The following MIGA1 variants were observed in gnomAD, a reference collection of about 807,000 sequenced individuals.
MIGA1 encodes mitoguardin 1.
Under a neutral mutation model 82.0 loss-of-function variants are expected in MIGA1, and 58 were observed. That is an observed-to-expected ratio of 0.71 (90% confidence interval 0.57 to 0.88). The LOEUF (loss-of-function observed/expected upper bound fraction) is 0.88. Among genes scored for constraint, MIGA1 ranks in the 40% least tolerant of loss-of-function variants. The probability of loss-of-function intolerance (pLI) is 0.00; values close to 1 mark genes in which losing one functional copy is unlikely to be tolerated. For synonymous variants in MIGA1, 249 were observed against 253.6 expected (o/e 0.98, Z 0.17); for missense variants, 751 against 749.1 (o/e 1.00, Z -0.03).
At chr1:77,798,772 C>G (rs1682762484) in intron 2 of MIGA1, among the ~76,000 whole-genome samples, 1 of 152,216 alleles carries the variant, frequency 6.6e-6, no homozygotes, top group African/African-American at 2.4e-5. Context: ...ATGGTCTCAT[C>G]TGAATTCTTA....
chr1:77,815,080 G>A, intron 6 of MIGA1, 28 bp from the exon 7 acceptor site: 5 of 1,418,328 alleles, frequency 3.5e-6, no homozygotes, highest in Non-Finnish European at 4.7e-6. Flanking sequence ...AATTTAATTT[G>A]TTCTGTGTAC....
Position 77,848,246 on chromosome 1 carries a change from G to C in MIGA1, c.996+4839G>C, listed in dbSNP as rs773633293. On this transcript the variant is annotated intron_variant, in intron 8 of 15. Coordinates refer to ENST00000370791, the MANE Select transcript of MIGA1 (RefSeq NM_198549.4). ...TAAACTAAGGGCGAGGGACCAAAGA[G>C]AAAGAAGTGACAGAGTGTGGAAAAG... 1.1e-4 allele frequency: 147 copies of C among 1,398,754 alleles called. 2 individuals carry two copies. In the South Asian group the frequency reaches 1.2e-3, roughly 12 times the overall value. 86.6% of individuals were successfully genotyped at this position (1,398,754 alleles called of 1,614,324 possible).
chr1:77,780,021 A>G, intron 1 of MIGA1: 4 of 1,190,020 alleles, frequency 3.4e-6, no homozygotes, highest in Non-Finnish European at 4.2e-6. Flanking sequence ...GGAGGCCTGC[A>G]AAGGAAGCGC....
chr1:77,816,309 TAA>T (rs1228036132), intron 7 of MIGA1, among the ~76,000 whole-genome samples: 1 of 152,222 alleles, frequency 6.6e-6, no homozygotes, highest in African/African-American at 2.4e-5. Context: ...TCAACTTCTA[TAA>T]ATGCCCCCAA....
At chr1:77,859,110 T>C in intron 9 of MIGA1, 54 bp downstream of exon 9, 1 of 1,152,962 alleles carries the variant, frequency 8.7e-7, no homozygotes, top group Non-Finnish European at 1.3e-6. Flanking sequence ...GTTTGTGTGG[T>C]ACTTACTAAA....
intron 8 of MIGA1, chr1:77,848,615 T>G (rs1247997144): frequency 2.7e-6 from 4 of 1,474,388 alleles, no homozygotes; most frequent in Non-Finnish European, 3.8e-6. Flanking sequence ...GAATCATCAC[T>G]GGGAGCAAAA....
At chr1:77,873,259 T>A in intron 15 of MIGA1, 139 bp downstream of exon 15, 1 of 821,728 alleles carries the variant, frequency 1.2e-6, no homozygotes, top group Non-Finnish European at 1.9e-6. Flanking sequence ...AAATTCAGCA[T>A]TTAAATGTCA....
chr1:77,851,271 T>C (rs1685039549), intron 8 of MIGA1, among the ~76,000 whole-genome samples: 1 of 152,238 alleles, frequency 6.6e-6, no homozygotes, highest in Non-Finnish European at 1.5e-5. Flanking sequence ...TAGTATTACT[T>C]TTCTTTTTGA....
At chr1:77,847,906 A>G in intron 8 of MIGA1, 2 of 1,502,124 alleles carry the variant, frequency 1.3e-6, no homozygotes, top group Non-Finnish European at 1.8e-6. Flanking sequence ...AGCAAGGATG[A>G]TGAAATAAAG....
At chr1:77,801,244 G>T in intron 2 of MIGA1, 87 bp from the exon 3 acceptor site, 1 of 894,954 alleles carries the variant, frequency 1.1e-6, no homozygotes, top group South Asian at 1.9e-5. Flanking sequence ...AAATAGGTTA[G>T]ATTAAGAGTA....
At chr1:77,845,814 C>A (rs1281108027) in intron 8 of MIGA1, among the ~76,000 whole-genome samples, 7 of 152,208 alleles carry the variant, frequency 4.6e-5, no homozygotes, top group African/African-American at 1.7e-4. Context: ...AGAAAGATTT[C>A]TTGCCTAGTT....
Position 77,860,081 on chromosome 1 carries a change from G to C in MIGA1, c.1230G>C (p.Glu410Asp). Residue 410 changes from glutamate (E) to aspartate (D), a missense_variant, in exon 11 of 16, where the codon GAG becomes GAC. By Grantham distance (45) the Glu-to-Asp change is conservative. Transcript: ENST00000370791. ...CAGCTAACAGGATATTCCTCGCTGA[G>C]AGCGGAAGGAAAATTTTATCAGCTT... 6.2e-7 allele frequency: 1 copy of C among 1,612,322 alleles called. No individual in the cohort carries two copies.
chr1:77,807,176 GAGACAGAC>G, intron 5 of MIGA1, 75 bp downstream of exon 5: 1 of 1,209,174 alleles, frequency 8.3e-7, no homozygotes, highest in South Asian at 1.5e-5. Flanking sequence ...TTTATTTATT[GAGACAGAC>G]AGGGTCTCAC....
intron 7 of MIGA1, among the ~76,000 whole-genome samples, chr1:77,841,772 C>CA (rs1557922629): frequency 4.7e-5 from 7 of 148,878 alleles, no homozygotes; most frequent in African/African-American, 1.7e-4. Context: ...CCTTTCTCTC[C>CA]CTCTCTCTCT....
intron 7 of MIGA1, among the ~76,000 whole-genome samples, chr1:77,827,739 T>C (rs960452731): frequency 2.0e-5 from 3 of 152,212 alleles, no homozygotes; most frequent in African/African-American, 7.2e-5. Context: ...CTTATTTTCC[T>C]CTACCTGGTT....
intron 4 of MIGA1, among the ~76,000 whole-genome samples, chr1:77,805,461 C>CTTTT (rs11408292): frequency 1.9e-4 from 21 of 110,328 alleles, no homozygotes; most frequent in African/African-American, 3.1e-4. Context: ...TATGCCTATT[C>CTTTT]TTTTTTTTTT....
At chr1:77,873,257 C>T (rs1646863134) in intron 15 of MIGA1, 137 bp downstream of exon 15, 2 of 824,870 alleles carry the variant, frequency 2.4e-6, no homozygotes, top group Non-Finnish European at 1.9e-6. Context: ...CTAAATTCAG[C>T]ATTTAAATGT....
At chr1:77,871,322 C>G (rs1432823796) in intron 14 of MIGA1, among the ~76,000 whole-genome samples, 1 of 151,812 alleles carries the variant, frequency 6.6e-6, no homozygotes, top group Non-Finnish European at 1.5e-5. Flanking sequence ...GCCAACATGG[C>G]GAAACCCCGT....
At chr1:77,845,857 A>G (rs1216202162) in intron 8 of MIGA1, among the ~76,000 whole-genome samples, 1 of 152,112 alleles carries the variant, frequency 6.6e-6, no homozygotes, top group Non-Finnish European at 1.5e-5. Flanking sequence ...CGGTTTTTCT[A>G]TAAGCTAGAT....
Sources: gnomAD v4.1 joint callset for allele counts (sites outside exome capture counted in the v4.1 genomes callset) on GRCh38, gnomAD v4.1.1 for gene constraint, MANE v1.5 for transcripts, NCBI Gene and HGNC (gene_info 2026-07-23, HGNC 2026-07-21) for gene names.